The following TAFA4 variants were observed in gnomAD, a reference collection of about 807,000 sequenced individuals.
TAFA4 encodes chemokine-like protein TAFA-4.
In TAFA4, 20 loss-of-function variants were observed where a neutral mutation model predicts 21.1. The ratio of observed to expected loss-of-function variants is 0.95; its 90% CI spans 0.67 to 1.38. The LOEUF is 1.38. TAFA4 is among the 40% of genes most tolerant of loss of function. TAFA4 has a pLI of 0.00. For missense variants in TAFA4, 211 were observed against 180.9 expected, an observed-to-expected ratio of 1.17 and a Z score of -0.95; for synonymous variants, 71 against 67.4, an observed-to-expected ratio of 1.05 and a Z score of -0.26.
chr3:68,743,020 A>G (rs963383599), intron 4 of TAFA4, among the ~76,000 whole-genome samples: 3 of 152,186 alleles, frequency 2.0e-5, no homozygotes, highest in African/African-American at 7.2e-5. Flanking sequence ...TATCCACTGA[A>G]GGGGCCAGAC....
chr3:68,870,678 C>T (rs1169489956), intron 3 of TAFA4, among the ~76,000 whole-genome samples: 1 of 151,912 alleles, frequency 6.6e-6, no homozygotes, highest in Non-Finnish European at 1.5e-5. Flanking sequence ...TATCAGCCAA[C>T]CGTCTAGGTT....
intron 3 of TAFA4, among the ~76,000 whole-genome samples, chr3:68,844,573 T>C (rs1704742824): frequency 1.3e-5 from 2 of 152,192 alleles, no homozygotes; most frequent in African/African-American, 2.4e-5. Flanking sequence ...TTTGAATGTG[T>C]TTGCTCTCGC....
chr3:68,878,624 A>C (rs1005430478), intron 3 of TAFA4, among the ~76,000 whole-genome samples: 3 of 152,238 alleles, frequency 2.0e-5, no homozygotes, highest in Non-Finnish European at 4.4e-5. Flanking sequence ...TCCTTTTAAA[A>C]GAAACGAACC....
chr3:68,784,711 T>C (rs1482228464), intron 3 of TAFA4, among the ~76,000 whole-genome samples: 1 of 152,218 alleles, frequency 6.6e-6, no homozygotes, highest in African/African-American at 2.4e-5. Context: ...GGGTTGCCAC[T>C]ACTGGCTCAG....
intron 3 of TAFA4, among the ~76,000 whole-genome samples, chr3:68,806,733 C>T (rs1322269445): frequency 4.6e-5 from 7 of 151,990 alleles, no homozygotes; most frequent in African/African-American, 7.3e-5. Flanking sequence ...AATCAGTGCC[C>T]TTATAGGAGT....
At chr3:68,927,012 G>A (rs538385209) in intron 1 of TAFA4, among the ~76,000 whole-genome samples, 32 of 152,290 alleles carry the variant, frequency 2.1e-4, no homozygotes, top group African/African-American at 7.5e-4. Flanking sequence ...CTACCCACGA[G>A]AGACTGCTCT....
chr3:68,862,778 A>G (rs1210976416), intron 3 of TAFA4, among the ~76,000 whole-genome samples: 2 of 151,920 alleles, frequency 1.3e-5, no homozygotes, highest in Non-Finnish European at 2.9e-5. Context: ...CAGTGCTACT[A>G]AAACCACCAC....
intron 3 of TAFA4, among the ~76,000 whole-genome samples, chr3:68,855,532 C>G (rs573799639): frequency 6.6e-6 from 1 of 151,902 alleles, no homozygotes; most frequent in Non-Finnish European, 1.5e-5. Context: ...GAAAAACAGC[C>G]GCTGCTGAAA....
chr3:68,911,117 A>G (rs939591610), intron 1 of TAFA4, among the ~76,000 whole-genome samples: 2 of 152,220 alleles, frequency 1.3e-5, no homozygotes, highest in Admixed American at 1.3e-4. Flanking sequence ...TCACATTCAA[A>G]CAGCTCGCTG....
In TAFA4 at chr3:68,774,384, G is replaced by A. The variant is rs149978108; in HGVS notation, c.131-21366C>T. Among the ~76,000 whole-genome samples, 497 of 152,170 alleles carry A rather than the reference G, an allele frequency of 3.3e-3. 3 individuals carry two copies. Among genetic ancestry groups the A allele is most frequent in the African/African-American group, 9.6e-3 (400 of 41,510 alleles). ...TCTCCTTTGAAATGGCTCTTGAACC[G>A]GAGGGAAAGAAAGATAAGACCATGA... On this transcript the variant is annotated intron_variant, in intron 3 of 5. Coordinates refer to ENST00000295569, the MANE Select transcript of TAFA4 (RefSeq NM_182522.5).
chr3:68,915,952 C>T (rs1446137442), intron 1 of TAFA4: 1 of 152,220 alleles, frequency 6.6e-6, no homozygotes, highest in Non-Finnish European at 1.5e-5. Context: ...ATCTGCTCAT[C>T]TCCTTAGACT....
chr3:68,856,558 C>A (rs935743402), intron 3 of TAFA4, among the ~76,000 whole-genome samples: 1 of 152,170 alleles, frequency 6.6e-6, no homozygotes, highest in Admixed American at 6.5e-5. Context: ...CTTCAGCAGG[C>A]TCCATAGGTA....
chr3:68,733,328 G>C (rs1384594744), intron 5 of TAFA4, among the ~76,000 whole-genome samples, 175 bp from the exon 6 acceptor site: 1 of 152,006 alleles, frequency 6.6e-6, no homozygotes, highest in Admixed American at 6.6e-5. Flanking sequence ...CTAAAAGCAA[G>C]AAATATAAAG....
chr3:68,886,062 A>C (rs1452814688), intron 1 of TAFA4, among the ~76,000 whole-genome samples: 2 of 152,234 alleles, frequency 1.3e-5, no homozygotes, highest in Non-Finnish European at 2.9e-5. Context: ...AGATCAGAGA[A>C]AAATTATGAT....
At chr3:68,870,510 G>C (rs1425296462) in intron 3 of TAFA4, among the ~76,000 whole-genome samples, 2 of 152,116 alleles carry the variant, frequency 1.3e-5, no homozygotes, top group African/African-American at 4.8e-5. Context: ...CAGACACATA[G>C]AGCAGTGGAA....
In TAFA4 at chr3:68,821,615, C is replaced by CTT. The variant is rs201851066; in HGVS notation, c.130+59113_130+59114dup. ...ACCCGCCTCGGCCTCCCAAAGTGTG[C>CTT]TTTTTTTTTTTTTAAGAGAAAACAA... On this transcript the variant is annotated intron_variant, in intron 3 of 5. Coordinates refer to ENST00000295569, the MANE Select transcript of TAFA4 (RefSeq NM_182522.5). Among the ~76,000 whole-genome samples, 40 of 106,436 alleles carry CTT rather than the reference C, an allele frequency of 3.8e-4. 15 individuals are homozygous for CTT. The South Asian group carries it at 0.011, about 28-fold the overall frequency. 69.8% of individuals were successfully genotyped at this position (106,436 alleles called of 152,430 possible).
chr3:68,871,526 T>A (rs1281132234), intron 3 of TAFA4, among the ~76,000 whole-genome samples: 1 of 152,062 alleles, frequency 6.6e-6, no homozygotes, highest in South Asian at 2.1e-4. Flanking sequence ...CGGGCAAAAA[T>A]TTTTTTAGTA....
At chr3:68,821,718 G>A (rs1027730609) in intron 3 of TAFA4, among the ~76,000 whole-genome samples, 2 of 151,906 alleles carry the variant, frequency 1.3e-5, no homozygotes, top group Non-Finnish European at 2.9e-5. Flanking sequence ...TGCTACCCTG[G>A]ATTTTCAACC....
intron 1 of TAFA4, among the ~76,000 whole-genome samples, chr3:68,928,733 G>T (rs564131830): frequency 6.6e-6 from 1 of 152,030 alleles, no homozygotes; most frequent in African/African-American, 2.4e-5. Flanking sequence ...GCCCTCCTCC[G>T]CAGAGACAGC....
Sources: gnomAD v4.1 joint callset for allele counts (sites outside exome capture counted in the v4.1 genomes callset) on GRCh38, gnomAD v4.1.1 for gene constraint, MANE v1.5 for transcripts, NCBI Gene and HGNC (gene_info 2026-07-23, HGNC 2026-07-21) for gene names.